FYN: variants seen among roughly 807,000 people sequenced by gnomAD.
The protein encoded by FYN is FYN proto-oncogene, Src family tyrosine kinase, also known as tyrosine-protein kinase Fyn.
FYN carries 10 observed loss-of-function variants against 70.2 expected under a neutral mutation model. The observed-to-expected ratio is 0.14, with a 90% CI of 0.09 to 0.24. The LOEUF (loss-of-function observed/expected upper bound fraction) is 0.24. Ranked by LOEUF, FYN falls within the 10% of genes least tolerant of loss-of-function variation. The probability of loss-of-function intolerance (pLI) is 1.00; values close to 1 mark genes in which losing one functional copy is unlikely to be tolerated. For missense variants in FYN, 319 were observed against 673.1 expected (o/e 0.47, Z 5.82); for synonymous variants, 236 against 248.6 (o/e 0.95, Z 0.48).
chr6:111,700,300 G>C (rs1799772715), intron 8 of FYN, 32 bp from the exon 9 acceptor site: 1 of 1,609,966 alleles, frequency 6.2e-7, no homozygotes, highest in Admixed American at 1.7e-5. Context: ...AGGAGAGGGA[G>C]AGAAGAGCAG....
intron 2 of FYN, among the ~76,000 whole-genome samples, chr6:111,801,096 G>A (rs1331267762): frequency 6.6e-6 from 1 of 152,142 alleles, no homozygotes; most frequent in East Asian, 1.9e-4. Flanking sequence ...GAGAAGAATG[G>A]GGATGTGTAC....
chr6:111,719,659 A>G, intron 4 of FYN, 146 bp downstream of exon 4: 1 of 909,342 alleles, frequency 1.1e-6, no homozygotes, highest in Non-Finnish European at 1.6e-6. Flanking sequence ...TTTTCTTACA[A>G]CCCCTCATCT....
chr6:111,692,101 T>TCCC (rs753027655), intron 12 of FYN, among the ~76,000 whole-genome samples: 16 of 136,986 alleles, frequency 1.2e-4, no homozygotes, highest in South Asian at 2.6e-4. Context: ...AAGCTTCATT[T>TCCC]CCCCCCCCCC....
intron 2 of FYN, among the ~76,000 whole-genome samples, chr6:111,823,148 T>C (rs913500791): frequency 1.3e-5 from 2 of 152,166 alleles, no homozygotes; most frequent in African/African-American, 4.8e-5. Context: ...CTACAGTGCA[T>C]TTGCAGTGAC....
intron 10 of FYN, among the ~76,000 whole-genome samples, chr6:111,695,882 C>T (rs1377594527): frequency 6.6e-6 from 1 of 152,120 alleles, no homozygotes; most frequent in African/African-American, 2.4e-5. Flanking sequence ...CTAAACTTAG[C>T]TTAGAGACCA....
chr6:111,857,781 A>G (rs1773861470), intron 1 of FYN, among the ~76,000 whole-genome samples: 1 of 152,150 alleles, frequency 6.6e-6, no homozygotes, highest in African/African-American at 2.4e-5. Context: ...CAGTCAAATT[A>G]AATTCACTTC....
intron 2 of FYN, among the ~76,000 whole-genome samples, chr6:111,796,188 C>T (rs1369021468): frequency 1.3e-5 from 2 of 152,150 alleles, no homozygotes; most frequent in African/African-American, 4.8e-5. Context: ...AGCTCTTGCC[C>T]ACCACAAATG....
intron 2 of FYN, among the ~76,000 whole-genome samples, chr6:111,823,462 T>C (rs1772737431): frequency 6.6e-6 from 1 of 152,224 alleles, no homozygotes; most frequent in African/African-American, 2.4e-5. Flanking sequence ...GCGTTACGGC[T>C]TTCTGTAAGC....
chr6:111,726,582 A>G (rs1436785837), intron 3 of FYN, among the ~76,000 whole-genome samples: 1 of 152,146 alleles, frequency 6.6e-6, no homozygotes, highest in Non-Finnish European at 1.5e-5. Flanking sequence ...TCTATACTAG[A>G]GCTATTTCCT....
At chr6:111,822,269 G>A (rs12178246) in intron 2 of FYN, among the ~76,000 whole-genome samples, 23,096 of 152,178 alleles carry the variant, frequency 0.15, 2,562 homozygotes, top group African/African-American at 0.32. Context: ...AGAAAATGTG[G>A]CACATATACA....
At chr6:111,754,180 T>C (rs1033726036) in intron 3 of FYN, among the ~76,000 whole-genome samples, 2 of 152,206 alleles carry the variant, frequency 1.3e-5, no homozygotes, top group African/African-American at 4.8e-5. Context: ...TATGAAGATA[T>C]TTCTTTTATC....
intron 3 of FYN, among the ~76,000 whole-genome samples, chr6:111,756,422 A>C (rs116795246): frequency 0.011 from 1,694 of 152,128 alleles, 20 homozygotes; most frequent in South Asian, 0.038. Context: ...AAAGTAAAAA[A>C]AAAATCTGTG....
chr6:111,674,962 C>T (rs1005919896), intron 12 of FYN, among the ~76,000 whole-genome samples: 3 of 152,088 alleles, frequency 2.0e-5, no homozygotes, highest in African/African-American at 4.8e-5. Flanking sequence ...AGTCATAATG[C>T]TGCTCTCATG....
chr6:111,667,649 T>C (rs1051231943), intron 13 of FYN, among the ~76,000 whole-genome samples: 2 of 152,232 alleles, frequency 1.3e-5, no homozygotes, highest in Admixed American at 6.5e-5. Flanking sequence ...TTGCATCTTT[T>C]AGCAAGTGAC....
chr6:111,861,522 A>G (rs1773962402), intron 1 of FYN, among the ~76,000 whole-genome samples: 1 of 152,130 alleles, frequency 6.6e-6, no homozygotes, highest in African/African-American at 2.4e-5. Flanking sequence ...GAAGATCACA[A>G]TAGCATTTCA....
At chr6:111,759,766 C>T (rs953481367) in intron 3 of FYN, 4 of 152,196 alleles carry the variant, frequency 2.6e-5, no homozygotes, top group Admixed American at 6.5e-5. Flanking sequence ...AGCTCCCCGA[C>T]GGCAACGATT....
chr6:111,725,732 G>T (rs1199896127), intron 3 of FYN, among the ~76,000 whole-genome samples: 2 of 152,228 alleles, frequency 1.3e-5, no homozygotes, highest in Non-Finnish European at 2.9e-5. Flanking sequence ...GCCAACTGGA[G>T]GGAGTGAAAA....
At chr6:111,713,018 TAAAAA>T (rs906818202) in intron 5 of FYN, among the ~76,000 whole-genome samples, 1 of 152,158 alleles carries the variant, frequency 6.6e-6, no homozygotes, top group African/African-American at 2.4e-5. Context: ...AACAAAAAGT[TAAAAA>T]AACACCACCC....
chr6:111,794,736 A>G (rs561890056), intron 2 of FYN, among the ~76,000 whole-genome samples: 1 of 152,330 alleles, frequency 6.6e-6, no homozygotes, highest in African/African-American at 2.4e-5. Context: ...CATATTGTCT[A>G]TGGCTGCTTT....
Sources: allele counts gnomAD v4.1 joint callset (sites outside exome capture counted in the v4.1 genomes callset), GRCh38; gene constraint gnomAD v4.1.1; transcripts MANE v1.5; gene names NCBI Gene and HGNC (gene_info 2026-07-23, HGNC 2026-07-21).